The following CLMN variants were observed in gnomAD, a reference collection of about 807,000 sequenced individuals.
CLMN encodes the protein calmin (calponin-like, transmembrane).
Under a neutral mutation model 92.7 loss-of-function variants are expected in CLMN, and 57 were observed. The observed-to-expected ratio is 0.61, with a 90% CI of 0.50 to 0.77. CLMN has a LOEUF of 0.77. CLMN is among the 30% of genes least tolerant of loss of function. The probability of loss-of-function intolerance (pLI) is 0.00; values close to 1 mark genes in which losing one functional copy is unlikely to be tolerated. For synonymous variants in CLMN, 466 were observed against 470.6 expected, an observed-to-expected ratio of 0.99 and a Z score of 0.13; for missense variants, 1,158 against 1,237.5, an observed-to-expected ratio of 0.94 and a Z score of 0.96.
chr14:95,210,181 T>A (rs1466066403), intron 7 of CLMN, among the ~76,000 whole-genome samples: 8 of 152,036 alleles, frequency 5.3e-5, no homozygotes, highest in African/African-American at 1.9e-4. Context: ...GTCTCCCGAG[T>A]AGCTGGGATT....
rs1457271572 is a variant in CLMN at position 95,259,010 on chromosome 14, T to C, written c.83-28877A>G. Among the ~76,000 whole-genome samples, 1 of 150,176 alleles carries C rather than the reference T, an allele frequency of 6.7e-6. No individual in the cohort carries two copies. Among genetic ancestry groups the C allele is most frequent in the Non-Finnish European group, 1.5e-5 (1 of 67,624 alleles). On this transcript the variant is annotated intron_variant, in intron 1 of 12. Transcript: ENST00000298912. This position sits in a 1 kb window ranked among gnomAD's most constrained non-coding sequence, Gnocchi z 4.3. The stretch of plus-strand genomic sequence containing the variant: ...CGTGGAGAGTGTGTTTGTATGTATG[T>C]GTGATATGTGTTGTGTGTGTTTGTG...
At chr14:95,271,802 T>G (rs563040295) in intron 1 of CLMN, among the ~76,000 whole-genome samples, 1 of 152,216 alleles carries the variant, frequency 6.6e-6, no homozygotes, top group African/African-American at 2.4e-5. Flanking sequence ...TCTCTTTGCC[T>G]CTTTCCAGTC....
intron 1 of CLMN, among the ~76,000 whole-genome samples, chr14:95,304,555 T>C (rs1261027525): frequency 6.6e-6 from 1 of 151,548 alleles, no homozygotes; most frequent in Non-Finnish European, 1.5e-5. Context: ...CCCAGCTGGG[T>C]GACTGTCCCT....
At chr14:95,197,157 G>A (rs1038455845) in intron 9 of CLMN, among the ~76,000 whole-genome samples, 1 of 152,124 alleles carries the variant, frequency 6.6e-6, no homozygotes, top group African/African-American at 2.4e-5. Context: ...GTGGAGGTGG[G>A]AGGATTGCTT....
Position 95,203,654 on chromosome 14 carries a change from T to C in CLMN, c.1695A>G (p.Lys565=). ...CAAAATCTATTAGGTCGCTGTTAAA[T>C]TTTGAGGCTTTTAATGGGATGGCTT... ...YFEAIPLKAS[K]FNSDLIDFAS... The change falls in exon 9 of 13, where the codon AAA becomes AAG. Residue 565 remains lysine, a synonymous_variant. Transcript: ENST00000298912. 6 of 1,614,202 alleles carry C rather than the reference T, an allele frequency of 3.7e-6. No homozygotes were observed. The highest frequency in any genetic ancestry group is 5.1e-6 in the Non-Finnish European group (6 of 1,180,034).
chr14:95,215,682 A>G lies in CLMN; in HGVS notation c.376T>C (p.Leu126=), dbSNP rs1225970944. Residue 126 remains leucine, a synonymous_variant, in exon 5 of 13, where the codon TTG becomes CTG. Coordinates refer to ENST00000298912, the MANE Select transcript of CLMN (RefSeq NM_024734.4). ...AAEIADGNPS[L]VLGLIWNIIL... ...ATGTTCCATATCAGCCCAAGAACCAAAGAAGGGTTGCCATCTGCTATTTCT... is the reference window on the plus strand; with the variant it reads ...ATGTTCCATATCAGCCCAAGAACCAGAGAAGGGTTGCCATCTGCTATTTCT... 6.2e-7 allele frequency: 1 copy of G among 1,614,058 alleles called. No homozygotes were observed. The highest frequency in any genetic ancestry group is 8.5e-7 in the Non-Finnish European group (1 of 1,180,028).
At chr14:95,238,752 G>A (rs1029348778) in intron 1 of CLMN, among the ~76,000 whole-genome samples, 24 of 152,140 alleles carry the variant, frequency 1.6e-4, no homozygotes, top group Non-Finnish European at 4.4e-5. Flanking sequence ...ATACATGCCC[G>A]CAGAGACTCA....
At position 95,203,954 on chromosome 14, in the gene CLMN, T is replaced by G. The variant is rs2140576735; in HGVS notation, c.1395A>C (p.Ala465=). The change falls in exon 9 of 13, where the codon GCA becomes GCC. Residue 465 remains alanine, a synonymous_variant. Coordinates refer to ENST00000298912, the MANE Select transcript of CLMN (RefSeq NM_024734.4). Reference sequence around the variant, plus strand: ...GTTCCTTTTCCTCAGCAACCTCAACTGCCAAGACATGTCCATCCTGCCTCA... The same window carrying G: ...GTTCCTTTTCCTCAGCAACCTCAACGGCCAAGACATGTCCATCCTGCCTCA... ...ESLRQDGHVL[A]VEVAEEKEQK... The G allele has an allele frequency of 1.2e-6, 2 of 1,614,184 alleles. No individual in the cohort carries two copies. The highest frequency in any genetic ancestry group is 1.7e-6 in the Non-Finnish European group (2 of 1,180,026).
At chr14:95,284,849 A>G (rs1364197659) in intron 1 of CLMN, among the ~76,000 whole-genome samples, 1 of 152,120 alleles carries the variant, frequency 6.6e-6, no homozygotes, top group Non-Finnish European at 1.5e-5. Flanking sequence ...TAATGCTGAA[A>G]TTAGTTAAGG....
chr14:95,229,406 G>C (rs1311391788), intron 2 of CLMN, among the ~76,000 whole-genome samples: 1 of 152,176 alleles, frequency 6.6e-6, no homozygotes, highest in African/African-American at 2.4e-5. Flanking sequence ...AAACAGCCGG[G>C]CCAAAGAATG....
At chr14:95,245,796 TTGGA>T (rs150318487) in intron 1 of CLMN, among the ~76,000 whole-genome samples, 1 of 140,238 alleles carries the variant, frequency 7.1e-6, no homozygotes, top group South Asian at 2.3e-4. Context: ...GGTTGGATTA[TTGGA>T]TGGATGGATG....
At chr14:95,245,214 A>ATATATATAATATATATATATATAT (rs1898457881) in intron 1 of CLMN, among the ~76,000 whole-genome samples, 1 of 34,700 alleles carries the variant, frequency 2.9e-5, no homozygotes, top group Non-Finnish European at 4.4e-5. Flanking sequence ...TATATTATAT[A>ATATATATAATATATATATATATAT]TATATATATA....
intron 9 of CLMN, among the ~76,000 whole-genome samples, chr14:95,201,776 G>A (rs1392969483): frequency 6.8e-6 from 1 of 147,832 alleles, no homozygotes; most frequent in Non-Finnish European, 1.5e-5. Flanking sequence ...TCCCCTCCCT[G>A]TGTCCATGTG....
chr14:95,291,423 C>T (rs1041826780), intron 1 of CLMN, among the ~76,000 whole-genome samples: 1 of 152,228 alleles, frequency 6.6e-6, no homozygotes, highest in Admixed American at 6.5e-5. Context: ...GCCAAAAAAA[C>T]CCAGACACAC....
In CLMN at chr14:95,194,457, C is replaced by G; in HGVS notation, c.2769+79G>C. 6.2e-7 allele frequency: 1 copy of G among 1,608,306 alleles called. No homozygotes were observed. The highest frequency in any genetic ancestry group is 8.5e-7 in the Non-Finnish European group (1 of 1,176,538). ...GTTGCATGCCAGTAATTTCAAAGCT[C>G]TGGGCTGGGGAGGAGGAAGGATGGA... On this transcript the variant is annotated intron_variant, in intron 11 of 12. Coordinates refer to ENST00000298912, the MANE Select transcript of CLMN (RefSeq NM_024734.4). The surrounding 1 kb of genome is among the most constrained non-coding windows in gnomAD (Gnocchi z 4.0).
At chr14:95,313,234 C>T (rs1246982756) in intron 1 of CLMN, among the ~76,000 whole-genome samples, 1 of 152,164 alleles carries the variant, frequency 6.6e-6, no homozygotes, top group Admixed American at 6.5e-5. Flanking sequence ...ATTAAAAACA[C>T]ACATACACAC....
chr14:95,249,511 C>A (rs1293738111), intron 1 of CLMN, among the ~76,000 whole-genome samples: 1 of 152,108 alleles, frequency 6.6e-6, no homozygotes, highest in South Asian at 2.1e-4. Flanking sequence ...TGGGGTGGAC[C>A]GAGACAGATG....
At chr14:95,267,917 A>C (rs750177347) in intron 1 of CLMN, among the ~76,000 whole-genome samples, 3 of 152,238 alleles carry the variant, frequency 2.0e-5, no homozygotes, top group Non-Finnish European at 2.9e-5. Context: ...ACAACCAGGC[A>C]TAAAAAGACA....
intron 4 of CLMN, among the ~76,000 whole-genome samples, chr14:95,217,822 A>G (rs565574092): frequency 6.6e-6 from 1 of 152,360 alleles, no homozygotes; most frequent in Admixed American, 6.5e-5. Flanking sequence ...GGGGTGCCGT[A>G]AACACCATGG....
Sources: gnomAD v4.1 joint callset for allele counts (sites outside exome capture counted in the v4.1 genomes callset) on GRCh38, gnomAD v4.1.1 for gene constraint, Gnocchi (gnomAD v3.1) non-coding constraint, MANE v1.5 for transcripts, NCBI Gene and HGNC (gene_info 2026-07-23, HGNC 2026-07-21) for gene names.